DLGAP1: variants seen among roughly 807,000 people sequenced by gnomAD.
DLGAP1 encodes the protein disks large-associated protein 1.
A neutral mutation model predicts 90.8 loss-of-function variants in DLGAP1; 11 were observed. That is an observed-to-expected ratio of 0.12 (90% confidence interval 0.08 to 0.20). The LOEUF (loss-of-function observed/expected upper bound fraction) is 0.20. Ranked by LOEUF, DLGAP1 falls within the 10% of genes least tolerant of loss-of-function variation. The pLI, the probability that DLGAP1 is intolerant of heterozygous loss-of-function variation, is 1.00. For synonymous variants in DLGAP1, 558 were observed against 540.7 expected, an observed-to-expected ratio of 1.03 and a Z score of -0.44; for missense variants, 1,050 against 1,333.8, an observed-to-expected ratio of 0.79 and a Z score of 3.31.
intron 3 of DLGAP1, among the ~76,000 whole-genome samples, chr18:3,900,331 C>T (rs907010809): frequency 6.6e-6 from 1 of 152,248 alleles, no homozygotes; most frequent in African/African-American, 2.4e-5. Flanking sequence ...CAGCTCCCTC[C>T]TCAGGACCCC....
intron 5 of DLGAP1, among the ~76,000 whole-genome samples, chr18:3,793,582 C>A (rs115875719): frequency 6.6e-6 from 1 of 152,286 alleles, no homozygotes; most frequent in African/African-American, 2.4e-5. Flanking sequence ...AGTCCCATGT[C>A]ACTTAGAGTA....
At chr18:4,136,624 T>C (rs1164776651) in intron 2 of DLGAP1, among the ~76,000 whole-genome samples, 2 of 152,228 alleles carry the variant, frequency 1.3e-5, no homozygotes, top group Non-Finnish European at 2.9e-5. Flanking sequence ...GAGCTCCTTA[T>C]ATATTCTTGT....
intron 7 of DLGAP1, among the ~76,000 whole-genome samples, chr18:3,638,622 C>G (rs1198241537): frequency 6.6e-6 from 1 of 152,082 alleles, no homozygotes; most frequent in East Asian, 1.9e-4. Flanking sequence ...ATCTTACTGC[C>G]TTGGATGACA....
chr18:4,097,143 A>G (rs2075695528), intron 2 of DLGAP1, among the ~76,000 whole-genome samples: 1 of 152,246 alleles, frequency 6.6e-6, no homozygotes, highest in South Asian at 2.1e-4. Context: ...TACCACATTA[A>G]GGACCACCTT....
At chr18:4,158,102 A>G (rs1366991215) in intron 1 of DLGAP1, among the ~76,000 whole-genome samples, 1 of 152,176 alleles carries the variant, frequency 6.6e-6, no homozygotes, top group Non-Finnish European at 1.5e-5. Context: ...GAAATGAAAT[A>G]TAAAGTTATT....
intron 1 of DLGAP1, among the ~76,000 whole-genome samples, chr18:4,399,517 G>T (rs188360805): frequency 5.9e-5 from 9 of 152,200 alleles, no homozygotes; most frequent in Admixed American, 5.9e-4. Flanking sequence ...AAATAAAAAT[G>T]TAAATATAGC....
intron 5 of DLGAP1, among the ~76,000 whole-genome samples, chr18:3,796,442 T>A (rs1295265160): frequency 6.6e-6 from 1 of 152,206 alleles, no homozygotes; most frequent in Non-Finnish European, 1.5e-5. Flanking sequence ...CTTTTACAAT[T>A]GTAAAAACTA....
chr18:3,828,639 CAAAAAAA>C (rs71368713), intron 4 of DLGAP1, among the ~76,000 whole-genome samples: 8 of 21,370 alleles, frequency 3.7e-4, no homozygotes, highest in Non-Finnish European at 6.5e-4. Context: ...GACTCTATCT[CAAAAAAA>C]AAAAAAAAAA....
chr18:3,799,914 C>T (rs1377687890), intron 5 of DLGAP1, among the ~76,000 whole-genome samples: 1 of 152,120 alleles, frequency 6.6e-6, no homozygotes, highest in East Asian at 1.9e-4. Flanking sequence ...ATAGTGAAGT[C>T]CATCTCAAAA....
chr18:3,860,846 C>A (rs1271346267), intron 4 of DLGAP1, among the ~76,000 whole-genome samples: 3 of 152,172 alleles, frequency 2.0e-5, no homozygotes, highest in African/African-American at 7.2e-5. Flanking sequence ...TAAGAGAAAT[C>A]TCTCCCGTTA....
intron 10 of DLGAP1, among the ~76,000 whole-genome samples, chr18:3,525,686 A>C (rs2051572209): frequency 6.6e-6 from 1 of 152,246 alleles, no homozygotes; most frequent in Non-Finnish European, 1.5e-5. Flanking sequence ...GGCATGAGCC[A>C]CTGCGCCCCA....
chr18:4,227,677 C>T (rs566138575), intron 1 of DLGAP1, among the ~76,000 whole-genome samples: 1 of 150,736 alleles, frequency 6.6e-6, no homozygotes, highest in African/African-American at 2.4e-5. Flanking sequence ...ATATACAAAA[C>T]CTATGGGATA....
intron 4 of DLGAP1, among the ~76,000 whole-genome samples, chr18:3,816,994 T>C (rs2067139551): frequency 6.6e-6 from 1 of 152,258 alleles, no homozygotes; most frequent in African/African-American, 2.4e-5. Context: ...CTCAGGAAAT[T>C]ATAAATGCTG....
chr18:3,741,281 T>TCACCAC (rs577827342), intron 6 of DLGAP1, among the ~76,000 whole-genome samples: 1 of 47,616 alleles, frequency 2.1e-5, no homozygotes, highest in Non-Finnish European at 3.7e-5. Context: ...CACATCACCA[T>TCACCAC]CACCACCACC....
intron 6 of DLGAP1, among the ~76,000 whole-genome samples, chr18:3,736,528 C>T (rs1318592309): frequency 1.3e-5 from 2 of 152,138 alleles, no homozygotes; most frequent in Admixed American, 6.5e-5. Context: ...AGATATAATG[C>T]ACTTAAATTC....
chr18:4,176,679 C>T (rs376091673), intron 1 of DLGAP1, among the ~76,000 whole-genome samples: 2 of 152,216 alleles, frequency 1.3e-5, no homozygotes, highest in African/African-American at 4.8e-5. Flanking sequence ...ATGCATAGCA[C>T]TGGTCAAGCT....
At chr18:3,518,779 C>G (rs1425464010) in intron 10 of DLGAP1, among the ~76,000 whole-genome samples, 1 of 152,174 alleles carries the variant, frequency 6.6e-6, no homozygotes, top group African/African-American at 2.4e-5. Flanking sequence ...GGAATTCTAA[C>G]TCCTATAACT....
At chr18:4,019,916 T>C (rs763910398) in intron 2 of DLGAP1, among the ~76,000 whole-genome samples, 1 of 152,218 alleles carries the variant, frequency 6.6e-6, no homozygotes, top group Non-Finnish European at 1.5e-5. Context: ...TATAATTTTA[T>C]ATATTTCAGG....
At chr18:4,411,385 T>C (rs2082773911) in intron 1 of DLGAP1, among the ~76,000 whole-genome samples, 2 of 152,154 alleles carry the variant, frequency 1.3e-5, no homozygotes, top group African/African-American at 4.8e-5. Flanking sequence ...ATCATGGCTG[T>C]TTGCAAGGTT....
Sources: gnomAD v4.1 joint callset for allele counts (sites outside exome capture counted in the v4.1 genomes callset) on GRCh38, gnomAD v4.1.1 for gene constraint, MANE v1.5 for transcripts, NCBI Gene and HGNC (gene_info 2026-07-23, HGNC 2026-07-21) for gene names.